RALGAPB: variants seen among roughly 807,000 people sequenced by gnomAD.
The protein encoded by RALGAPB is ral GTPase-activating protein subunit beta.
Under a neutral mutation model 161.1 loss-of-function variants are expected in RALGAPB, and 25 were observed. The ratio of observed to expected loss-of-function variants is 0.16; its 90% CI spans 0.11 to 0.22. The LOEUF is 0.22. Among genes scored for constraint, RALGAPB ranks in the 10% least tolerant of loss-of-function variants. RALGAPB has a pLI of 1.00. For synonymous variants in RALGAPB, 629 were observed against 626.1 expected (o/e 1.00, Z -0.07); for missense variants, 1,391 against 1,815.2 (o/e 0.77, Z 4.25).
Position 38,539,918 on chromosome 20 carries a change from G to T in RALGAPB, c.2522G>T (p.Cys841Phe). The change falls in exon 17 of 30, where the codon TGT (cysteine) becomes TTT (phenylalanine). Residue 841 changes from cysteine to phenylalanine, a missense_variant. This residue lies in a region of RALGAPB where 946 missense variants were observed against 1,257.2 expected (regional missense o/e 0.75). Transcript: ENST00000262879. ...SMIVAAFQCL[C>F]VWLTEHPDML... ...ATAGTGGCAGCTTTTCAGTGTCTCT[G>T]TGTCTGGCTGACAGAGCACCCTGAT... 6.2e-7 allele frequency: 1 copy of T among 1,614,052 alleles called. No homozygotes were observed. The highest frequency in any genetic ancestry group is 8.5e-7 in the Non-Finnish European group (1 of 1,179,948).
At chr20:38,525,034 C>A in intron 11 of RALGAPB, 89 bp downstream of exon 11, 3 of 1,294,778 alleles carry the variant, frequency 2.3e-6, no homozygotes, top group Middle Eastern at 1.9e-4. Flanking sequence ...TGTATCCTGT[C>A]CAGTTGTCTT....
At chr20:38,519,904 G>A (rs1490670341) in intron 9 of RALGAPB, among the ~76,000 whole-genome samples, 2 of 152,144 alleles carry the variant, frequency 1.3e-5, no homozygotes, top group Non-Finnish European at 2.9e-5. Context: ...TGATTTACAT[G>A]ACAGTACACT....
intron 2 of RALGAPB, among the ~76,000 whole-genome samples, chr20:38,492,427 A>AT (rs1007506665): frequency 3.7e-4 from 54 of 146,952 alleles, no homozygotes; most frequent in East Asian, 1.2e-3. Context: ...TATTATTATT[A>AT]TTTTTTTTTT....
intron 11 of RALGAPB, 109 bp downstream of exon 11, chr20:38,525,054 A>G (rs2086416404): frequency 9.0e-7 from 1 of 1,110,930 alleles, no homozygotes; most frequent in Non-Finnish European, 1.3e-6. Flanking sequence ...TCATAGTCCA[A>G]GAGAACTCAG....
intron 21 of RALGAPB, among the ~76,000 whole-genome samples, chr20:38,552,824 C>T (rs537947838): frequency 6.6e-6 from 1 of 152,326 alleles, no homozygotes; most frequent in African/African-American, 2.4e-5. Context: ...ACTCACTCTG[C>T]TGACTTTCTT....
At chr20:38,477,888 G>A (rs1421202346) in intron 1 of RALGAPB, among the ~76,000 whole-genome samples, 1 of 152,168 alleles carries the variant, frequency 6.6e-6, no homozygotes, top group Non-Finnish European at 1.5e-5. Flanking sequence ...TTGGGAGGCC[G>A]AGGTGGGAGG....
chr20:38,565,620 C>T, intron 25 of RALGAPB, 142 bp downstream of exon 25: 1 of 1,005,938 alleles, frequency 9.9e-7, no homozygotes, highest in East Asian at 2.5e-5. Flanking sequence ...TGCAGAAGCA[C>T]AAGATGTCTT....
intron 1 of RALGAPB, among the ~76,000 whole-genome samples, chr20:38,477,541 T>G (rs2084843196): frequency 6.6e-6 from 1 of 152,198 alleles, no homozygotes; most frequent in Admixed American, 6.5e-5. Flanking sequence ...TTTATTGATG[T>G]TTGCCTTATG....
chr20:38,549,545 A>ATAT lies in RALGAPB; in HGVS notation c.3009+750_3009+751insTAT, dbSNP rs1338350565. Among the ~76,000 whole-genome samples the ATAT allele has an allele frequency of 3.4e-3, 417 of 121,890 alleles. 3 individuals carry two copies. The highest frequency in any genetic ancestry group is 0.011 in the African/African-American group (375 of 35,228). 80.0% of individuals were successfully genotyped at this position (121,890 alleles called of 152,430 possible). A position where few individuals can be genotyped will look rare whatever the true frequency, so the allele number is the denominator to read the frequency against. ...CACCCAGCCTAATTAAAAAAAAAAAAAAAAATATATATATATATACACACA... is the reference window on the plus strand; with the variant it reads ...CACCCAGCCTAATTAAAAAAAAAAAATATAAAAATATATATATATATACACACA... On this transcript the variant is annotated intron_variant, in intron 20 of 29. Coordinates refer to ENST00000262879, the MANE Select transcript of RALGAPB (RefSeq NM_020336.4).
intron 15 of RALGAPB, among the ~76,000 whole-genome samples, chr20:38,534,176 AAG>A (rs1251531818): frequency 6.6e-6 from 1 of 151,916 alleles, no homozygotes; most frequent in Non-Finnish European, 1.5e-5. Context: ...AAAACAAAAA[AAG>A]AAATTTTTCA....
chr20:38,516,177 CCT>C lies in RALGAPB; in HGVS notation c.873-10_873-9del. 6.5e-7 allele frequency: 1 copy of C among 1,537,120 alleles called. No homozygotes were observed. The highest frequency in any genetic ancestry group is 8.8e-7 in the Non-Finnish European group (1 of 1,132,028). On this transcript the variant is annotated splice_polypyrimidine_tract_variant and intron_variant, in intron 6 of 29. Coordinates refer to ENST00000262879, the MANE Select transcript of RALGAPB (RefSeq NM_020336.4). ...TTTCTAAATTTGTGATTAATTCTTTCCTCTCTTTTAATAGTAATCCTGTGGAT... is the reference window on the plus strand; with the variant it reads ...TTTCTAAATTTGTGATTAATTCTTTCCTCTTTTAATAGTAATCCTGTGGAT...
intron 28 of RALGAPB, 33 bp from the exon 29 acceptor site, chr20:38,574,117 G>T: frequency 1.3e-6 from 2 of 1,577,740 alleles, no homozygotes; most frequent in South Asian, 2.3e-5. Context: ...TTCAACTCTT[G>T]GGTGTCTGAG....
At chr20:38,500,300 G>T in intron 5 of RALGAPB, among the ~76,000 whole-genome samples, 1 of 151,492 alleles carries the variant, frequency 6.6e-6, no homozygotes, top group African/African-American at 2.4e-5. Context: ...GAGTCTGTCG[G>T]GTGCCATTTT....
At chr20:38,494,513 C>G (rs1361953536) in intron 3 of RALGAPB, among the ~76,000 whole-genome samples, 1 of 152,014 alleles carries the variant, frequency 6.6e-6, no homozygotes, top group Non-Finnish European at 1.5e-5. Context: ...TGCTTATAAT[C>G]CCAGCTACAT....
Position 38,529,562 on chromosome 20 carries a change from G to C in RALGAPB, c.2051-1605G>C, listed in dbSNP as rs942872276. On this transcript the variant is annotated intron_variant, in intron 13 of 29. Transcript: ENST00000262879. ...AAAATAAAAATAAAGCTTGGGCGTG[G>C]TGGCTCATGCCTGTAATCCCAGAAC... is the stretch of plus-strand genomic sequence containing the variant. 2.0e-5 allele frequency among the ~76,000 whole-genome samples: 3 copies of C among 151,406 alleles called. No individual in the cohort carries two copies. In the East Asian group the frequency reaches 5.9e-4, roughly 30 times the overall value.
rs887348440 is a variant in RALGAPB at position 38,575,260 on chromosome 20, A to G, written c.*293A>G. The G allele has an allele frequency of 1.0e-4, 29 of 287,232 alleles. No homozygotes were observed. The highest frequency in any genetic ancestry group is 5.9e-4 in the African/African-American group (27 of 45,658). 17.8% of individuals were successfully genotyped at this position (287,232 alleles called of 1,614,324 possible). A position where few individuals can be genotyped will look rare whatever the true frequency, so the allele number is the denominator to read the frequency against. On this transcript the variant is annotated 3_prime_UTR_variant, in exon 30 of 30. Coordinates refer to ENST00000262879, the MANE Select transcript of RALGAPB (RefSeq NM_020336.4). ...GTTAAACATAAGCCTTTTGAGGAGAAAGGCTTTTATGCATCTCAGTTAAAC... is the reference window on the plus strand; with the variant it reads ...GTTAAACATAAGCCTTTTGAGGAGAGAGGCTTTTATGCATCTCAGTTAAAC...
chr20:38,561,439 CTG>C lies in RALGAPB; in HGVS notation c.3532-1091_3532-1090del, dbSNP rs1386831801. ...CCTATATTTTGACTTTCACAGGCCTCTGTATGATCTTGGTATAGATTAGCATT... is the reference window on the plus strand; with the variant it reads ...CCTATATTTTGACTTTCACAGGCCTCTATGATCTTGGTATAGATTAGCATT... On this transcript the variant is annotated intron_variant, in intron 23 of 29. Transcript: ENST00000262879. Among the ~76,000 whole-genome samples, 3 of 152,304 alleles carry C rather than the reference CTG, an allele frequency of 2.0e-5. No homozygotes were observed. The East Asian group carries it at 5.8e-4, about 29-fold the overall frequency.
intron 4 of RALGAPB, among the ~76,000 whole-genome samples, chr20:38,498,864 G>A (rs1044640220): frequency 6.6e-6 from 1 of 152,164 alleles, no homozygotes; most frequent in Admixed American, 6.5e-5. Context: ...CCCTTGAAGG[G>A]TGGCTTTCAA....
intron 6 of RALGAPB, among the ~76,000 whole-genome samples, chr20:38,512,302 C>T (rs1204923265): frequency 1.3e-5 from 2 of 152,196 alleles, no homozygotes; most frequent in Non-Finnish European, 2.9e-5. Flanking sequence ...TGTCTCTTTT[C>T]TAATAATTCA....
Sources: gnomAD v4.1 joint callset for allele counts (sites outside exome capture counted in the v4.1 genomes callset) on GRCh38, gnomAD v4.1.1 for gene constraint, gnomAD v4.1.1 regional missense constraint, MANE v1.5 for transcripts, NCBI Gene and HGNC (gene_info 2026-07-23, HGNC 2026-07-21) for gene names.